CACNA2D4: variants seen among roughly 807,000 people sequenced by gnomAD.
CACNA2D4 encodes calcium voltage-gated channel auxiliary subunit alpha2delta 4.
In CACNA2D4, 157 loss-of-function variants were observed where a neutral mutation model predicts 163.8. That is an observed-to-expected ratio of 0.96 (90% CI 0.84 to 1.09). The LOEUF (loss-of-function observed/expected upper bound fraction) is 1.09, where lower values mean the gene tolerates loss of function less well. Ranked by LOEUF, CACNA2D4 falls within the 50% of genes least tolerant of loss-of-function variation. The pLI is 0.00. For synonymous variants in CACNA2D4, 598 were observed against 586.9 expected (o/e 1.02, Z -0.27); for missense variants, 1,410 against 1,479.9 (o/e 0.95, Z 0.78).
intron 23 of CACNA2D4, among the ~76,000 whole-genome samples, chr12:1,852,802 C>T (rs911965318): frequency 4.6e-5 from 7 of 152,204 alleles, no homozygotes; most frequent in African/African-American, 1.4e-4. Context: ...AGAGTCGGGG[C>T]GCAGGAGTGA....
rs780055532 is a variant in CACNA2D4 at position 1,834,247 on chromosome 12, T to A, written c.2551+6492A>T. 194 of 1,531,466 alleles carry A rather than the reference T, an allele frequency of 1.3e-4. No individual in the cohort carries two copies. The highest frequency in any genetic ancestry group is 1.7e-4 in the Non-Finnish European group (188 of 1,137,882). 94.9% of individuals were successfully genotyped at this position (1,531,466 alleles called of 1,614,324 possible). On this transcript the variant is annotated intron_variant, in intron 26 of 37. Coordinates refer to ENST00000382722, the MANE Select transcript of CACNA2D4 (RefSeq NM_172364.5). This position sits in a 1 kb window ranked among gnomAD's most constrained non-coding sequence, Gnocchi z 7.6. The stretch of plus-strand genomic sequence containing the variant: ...GTTCTAGATGCCTGGTCAGCCCCTC[T>A]TTTTCTCTTCTGCATGTAGGGGGAC...
rs755001714 is a variant in CACNA2D4, at chr12:1,834,338, A to G, written c.2551+6401T>C. ...GGGGAAGGACATGCGGATGGTCCCC[A>G]TGGAGATGTTCAACTACTGCTCCCA... is the stretch of plus-strand genomic sequence containing the variant. On this transcript the variant is annotated intron_variant, in intron 26 of 37. Coordinates refer to ENST00000382722, the MANE Select transcript of CACNA2D4 (RefSeq NM_172364.5). This position sits in a 1 kb window ranked among gnomAD's most constrained non-coding sequence, Gnocchi z 7.6. The G allele has an allele frequency of 6.2e-7, 1 of 1,612,864 alleles. No individual in the cohort carries two copies. The highest frequency in any genetic ancestry group is 1.1e-5 in the South Asian group (1 of 90,980).
chr12:1,814,324 C>T (rs1025294085), intron 26 of CACNA2D4, among the ~76,000 whole-genome samples: 7 of 152,168 alleles, frequency 4.6e-5, no homozygotes, highest in African/African-American at 1.7e-4. Context: ...AGCATATTTT[C>T]CCCCACTTGG....
chr12:1,908,082 G>C, intron 4 of CACNA2D4, 45 bp from the exon 5 acceptor site: 1 of 1,568,918 alleles, frequency 6.4e-7, no homozygotes, highest in South Asian at 1.2e-5. Context: ...CGAGCACCGG[G>C]ACAGGCGGAG....
In CACNA2D4 at chr12:1,793,593, T is replaced by C; in HGVS notation, c.*62A>G. 1 of 1,466,198 alleles carries C rather than the reference T, an allele frequency of 6.8e-7. No homozygotes were observed. The highest frequency in any genetic ancestry group is 9.6e-7 in the Non-Finnish European group (1 of 1,046,254). 90.8% of individuals were successfully genotyped at this position (1,466,198 alleles called of 1,614,324 possible). A position where few individuals can be genotyped will look rare whatever the true frequency, so the allele number is the denominator to read the frequency against. The stretch of plus-strand genomic sequence containing the variant: ...AGTTAGCTGCATCCCATGTCAGTGC[T>C]GACTTTTTGGGATGGCTCTGGAAGG... On this transcript the variant is annotated 3_prime_UTR_variant, in exon 38 of 38. Transcript: ENST00000382722.
intron 23 of CACNA2D4, among the ~76,000 whole-genome samples, chr12:1,853,482 C>T (rs1865333476): frequency 6.6e-6 from 1 of 152,086 alleles, no homozygotes; most frequent in Admixed American, 6.5e-5. Flanking sequence ...GCAACCTTAA[C>T]CTCATTAATA....
At chr12:1,815,718 TC>T (rs1863853460) in intron 26 of CACNA2D4, among the ~76,000 whole-genome samples, 1 of 152,146 alleles carries the variant, frequency 6.6e-6, no homozygotes, top group Non-Finnish European at 1.5e-5. Context: ...GTCCCTTCCC[TC>T]CCAGCTTCAG....
At chr12:1,836,163 C>G (rs943215116) in intron 26 of CACNA2D4, 1 of 152,404 alleles carries the variant, frequency 6.6e-6, no homozygotes, top group Admixed American at 6.5e-5. Flanking sequence ...GGGTGGGGAG[C>G]CTGTCTGGGA....
chr12:1,810,543 A>C lies in CACNA2D4; in HGVS notation c.2658T>G (p.Ser886Arg). Residue 886 changes from serine to arginine, a missense_variant and splice_region_variant, in exon 28 of 38, where the codon AGT becomes AGG. By Grantham distance (110) the Ser-to-Arg change is moderately radical. Transcript: ENST00000382722. Reference sequence around the variant, plus strand: ...CCTTCCTCACACGGGCAGAACTTACACTGTCCTCGCAGCTCTGTGTGCACG... The same window carrying C: ...CCTTCCTCACACGGGCAGAACTTACCCTGTCCTCGCAGCTCTGTGTGCACG... ...DGPCTQSCED[S>R]DLDCFVIDNN... is the part of the protein sequence containing the mutation. 6.4e-7 allele frequency: 1 copy of C among 1,553,428 alleles called. No individual in the cohort carries two copies. Among genetic ancestry groups the C allele is most frequent in the Middle Eastern group, 1.7e-4 (1 of 5,950 alleles).
chr12:1,844,375 C>G lies in CACNA2D4; in HGVS notation c.2470+27G>C, dbSNP rs1471771186. On this transcript the variant is annotated intron_variant, in intron 25 of 37. Transcript: ENST00000382722. The surrounding 1 kb of genome is among the most constrained non-coding windows in gnomAD (Gnocchi z 4.2). The stretch of plus-strand genomic sequence containing the variant: ...TGAGACTGGCCTGAGACTGGCCCAG[C>G]CCCGGGAGCACCGGGCTGTGTGTTA... The G allele has an allele frequency of 6.2e-7, 1 of 1,610,832 alleles. No individual in the cohort carries two copies. The highest frequency in any genetic ancestry group is 1.1e-5 in the South Asian group (1 of 90,548).
Position 1,854,025 on chromosome 12 carries a change from C to G in CACNA2D4, c.2172G>C (p.Arg724=), listed in dbSNP as rs375113187. The G allele has an allele frequency of 1.9e-5, 30 of 1,611,582 alleles. No homozygotes were observed. The African/African-American group carries it at 3.7e-4, about 20-fold the overall frequency. ...PDLECDEELV[R]EVLFDAVVTA... is the part of the protein sequence containing the mutation. ...TCACCACCGCGTCAAACAGCACCTC[C>G]CGGACCAGCTCCTCGTCACCTGGGT... is the stretch of plus-strand genomic sequence containing the variant. The change falls in exon 23 of 38, where the codon CGG becomes CGC. Residue 724 remains arginine, a synonymous_variant. Coordinates refer to ENST00000382722, the MANE Select transcript of CACNA2D4 (RefSeq NM_172364.5).
chr12:1,890,221 G>A (rs947208666), intron 6 of CACNA2D4, among the ~76,000 whole-genome samples: 7 of 152,128 alleles, frequency 4.6e-5, no homozygotes, highest in Admixed American at 2.6e-4. Flanking sequence ...CAGAGAGGGA[G>A]CTCACACTGG....
At chr12:1,890,132 C>T (rs2470394) in intron 6 of CACNA2D4, among the ~76,000 whole-genome samples, 5 of 152,252 alleles carry the variant, frequency 3.3e-5, no homozygotes, top group African/African-American at 4.8e-5. Flanking sequence ...CAATCCTAGC[C>T]GCAGGAGAGC....
At chr12:1,916,533 C>T (rs747161535) in intron 1 of CACNA2D4, among the ~76,000 whole-genome samples, 8 of 149,636 alleles carry the variant, frequency 5.3e-5, no homozygotes, top group African/African-American at 1.5e-4. Context: ...CTCTGAGCGT[C>T]GACAGCTGCT....
At chr12:1,863,897 C>CA (rs34899618) in intron 18 of CACNA2D4, among the ~76,000 whole-genome samples, 17,462 of 143,220 alleles carry the variant, frequency 0.12, 1,401 homozygotes, top group East Asian at 0.4. Flanking sequence ...AATCACTTTA[C>CA]AAAAAAAAAA....
rs1416409494 is a variant in CACNA2D4 at position 1,889,214 on chromosome 12, A to G, written c.782-2145T>C. Among the ~76,000 whole-genome samples, 6 of 152,268 alleles carry G rather than the reference A, an allele frequency of 3.9e-5. No individual in the cohort carries two copies. In the East Asian group the frequency reaches 7.7e-4, roughly 20 times the overall value. On this transcript the variant is annotated intron_variant, in intron 6 of 37. Transcript: ENST00000382722. ...AGTTTATACTGAAGTCCCCACTGTA[A>G]AGGAACTTCTGGAGGACTTACTTTA...
At chr12:1,914,787 A>G (rs1480051897) in intron 2 of CACNA2D4, 67 bp downstream of exon 2, 2 of 1,084,434 alleles carry the variant, frequency 1.8e-6, no homozygotes, top group Non-Finnish European at 2.9e-6. Context: ...CAGCACCGGC[A>G]TTTGGGGGCT....
chr12:1,833,776 A>G lies in CACNA2D4; in HGVS notation c.2551+6963T>C, dbSNP rs1864733259. Among the ~76,000 whole-genome samples the G allele has an allele frequency of 6.6e-6, 1 of 152,152 alleles. No homozygotes were observed. Among genetic ancestry groups the G allele is most frequent in the African/African-American group, 2.4e-5 (1 of 41,430 alleles). On this transcript the variant is annotated intron_variant, in intron 26 of 37. Coordinates refer to ENST00000382722, the MANE Select transcript of CACNA2D4 (RefSeq NM_172364.5). The surrounding 1 kb of genome is among the most constrained non-coding windows in gnomAD (Gnocchi z 4.2). ...TTTTGACTGCTGTCCTTTGAGTGAGAGGTAAGAACCCTAGAAGGATAAGAT... is the reference window on the plus strand; with the variant it reads ...TTTTGACTGCTGTCCTTTGAGTGAGGGGTAAGAACCCTAGAAGGATAAGAT...
In CACNA2D4 at chr12:1,844,371, C is replaced by A; in HGVS notation, c.2470+31G>T. 1 of 1,609,982 alleles carries A rather than the reference C, an allele frequency of 6.2e-7. No individual in the cohort carries two copies. The highest frequency in any genetic ancestry group is 1.1e-5 in the South Asian group (1 of 90,494). On this transcript the variant is annotated intron_variant, in intron 25 of 37. Transcript: ENST00000382722. This position sits in a 1 kb window ranked among gnomAD's most constrained non-coding sequence, Gnocchi z 4.2. Reference sequence around the variant, plus strand: ...GAGATGAGACTGGCCTGAGACTGGCCCAGCCCCGGGAGCACCGGGCTGTGT... The same window carrying A: ...GAGATGAGACTGGCCTGAGACTGGCACAGCCCCGGGAGCACCGGGCTGTGT...
Sources: gnomAD v4.1 joint callset for allele counts (sites outside exome capture counted in the v4.1 genomes callset) on GRCh38, gnomAD v4.1.1 for gene constraint, Gnocchi (gnomAD v3.1) non-coding constraint, MANE v1.5 for transcripts, NCBI Gene and HGNC (gene_info 2026-07-23, HGNC 2026-07-21) for gene names.